CUX2: variants seen among roughly 807,000 people sequenced by gnomAD.
The protein encoded by CUX2 is homeobox protein cut-like 2.
Under a neutral mutation model 144.8 loss-of-function variants are expected in CUX2, and 40 were observed. That is an observed-to-expected ratio of 0.28 (90% CI 0.21 to 0.36). CUX2 has a LOEUF of 0.36. Ranked by LOEUF, CUX2 falls within the 10% of genes least tolerant of loss-of-function variation. The probability of loss-of-function intolerance (pLI) is 1.00; values close to 1 mark genes in which losing one functional copy is unlikely to be tolerated. For synonymous variants in CUX2, 827 were observed against 875.6 expected (o/e 0.94, Z 0.98); for missense variants, 1,615 against 1,994.0 (o/e 0.81, Z 3.62).
intron 1 of CUX2, among the ~76,000 whole-genome samples, chr12:111,139,759 GC>G (rs1876172261): frequency 6.6e-6 from 1 of 152,192 alleles, no homozygotes; most frequent in African/African-American, 2.4e-5. Flanking sequence ...CAAGGTCATG[GC>G]AAATAGGATA....
At position 111,320,674 on chromosome 12, in the gene CUX2, G is replaced by A. The variant is rs2136400703; in HGVS notation, c.2665G>A (p.Glu889Lys). ...TVPPLTPEQY[E>K]LYMYREVDTL... ...GCCGCCGCTGACCCCCGAGCAGTAC[G>A]AGCTGTACATGTACCGTGAGGTAGA... The change falls in exon 17 of 22, where the codon GAG becomes AAG. Residue 889 changes from glutamate to lysine, a missense_variant. This residue lies in a region of CUX2 where 390 missense variants were observed against 387.1 expected (regional missense o/e 1.01). Coordinates refer to ENST00000261726, the MANE Select transcript of CUX2 (RefSeq NM_015267.4). The surrounding 1 kb of genome is among the most constrained non-coding windows in gnomAD (Gnocchi z 8.1). The A allele has an allele frequency of 1.9e-6, 3 of 1,597,268 alleles. No homozygotes were observed. The highest frequency in any genetic ancestry group is 2.5e-6 in the Non-Finnish European group (3 of 1,179,308).
intron 1 of CUX2, among the ~76,000 whole-genome samples, chr12:111,196,702 T>C (rs1192986130): frequency 6.6e-6 from 1 of 152,224 alleles, no homozygotes; most frequent in Non-Finnish European, 1.5e-5. Context: ...CTACCCGTTG[T>C]GGTTACTGAG....
intron 1 of CUX2, among the ~76,000 whole-genome samples, chr12:111,107,347 A>G (rs988254627): frequency 6.6e-6 from 1 of 152,232 alleles, no homozygotes; most frequent in African/African-American, 2.4e-5. Context: ...CTTTGCAGGA[A>G]CTTTTTTGAC....
intron 1 of CUX2, among the ~76,000 whole-genome samples, chr12:111,112,152 G>C (rs1312098928): frequency 6.6e-6 from 1 of 152,136 alleles, no homozygotes; most frequent in African/African-American, 2.4e-5. Context: ...AAGAAGGGTC[G>C]AGTGGCTCAG....
At chr12:111,151,078 G>A (rs1877022469) in intron 1 of CUX2, among the ~76,000 whole-genome samples, 2 of 152,178 alleles carry the variant, frequency 1.3e-5, no homozygotes, top group African/African-American at 4.8e-5. Flanking sequence ...GTAAGCAGCA[G>A]TAAAATGAAG....
Position 111,304,183 on chromosome 12 carries a change from T to C in CUX2, c.754-27T>C, listed in dbSNP as rs1339958566. 1 of 1,573,182 alleles carries C rather than the reference T, an allele frequency of 6.4e-7. No individual in the cohort carries two copies. The highest frequency in any genetic ancestry group is 8.7e-7 in the Non-Finnish European group (1 of 1,148,476). On this transcript the variant is annotated intron_variant, in intron 9 of 21. Coordinates refer to ENST00000261726, the MANE Select transcript of CUX2 (RefSeq NM_015267.4). This position sits in a 1 kb window ranked among gnomAD's most constrained non-coding sequence, Gnocchi z 4.7. ...TGGAAGTGCAGAGTGGGCTCACCTCTCGCCCACACTGTCCCCTTCTCCCCA... is the reference window on the plus strand; with the variant it reads ...TGGAAGTGCAGAGTGGGCTCACCTCCCGCCCACACTGTCCCCTTCTCCCCA...
At chr12:111,229,553 C>T (rs1882355514) in intron 3 of CUX2, among the ~76,000 whole-genome samples, 1 of 152,164 alleles carries the variant, frequency 6.6e-6, no homozygotes, top group Admixed American at 6.5e-5. Flanking sequence ...TTGTAACATC[C>T]ACCTTGTTTA....
At position 111,341,636 on chromosome 12, in the gene CUX2, G is replaced by C. The variant is rs1300624111; in HGVS notation, c.3386-144G>C. ...AGAAGGAGAGTGAGGAGGGAGAAAGGCTGGGGGGCGGGCCTCTAAGCTTAG... is the reference window on the plus strand; with the variant it reads ...AGAAGGAGAGTGAGGAGGGAGAAAGCCTGGGGGGCGGGCCTCTAAGCTTAG... On this transcript the variant is annotated intron_variant, in intron 20 of 21. Coordinates refer to ENST00000261726, the MANE Select transcript of CUX2 (RefSeq NM_015267.4). 3 of 940,470 alleles carry C rather than the reference G, an allele frequency of 3.2e-6. No individual in the cohort carries two copies. The Admixed American group carries it at 7.4e-5, about 23-fold the overall frequency. The allele number at this position is 940,470 out of a possible 1,614,324, so 58.3% of individuals were successfully genotyped here.
intron 1 of CUX2, 81 bp from the exon 2 acceptor site, chr12:111,214,119 A>T (rs1881385576): frequency 1.3e-6 from 1 of 798,056 alleles, no homozygotes; most frequent in Non-Finnish European, 1.9e-6. Flanking sequence ...GCTGTTTTGT[A>T]CAGTGGTTAA....
At chr12:111,127,970 CAT>C (rs1875199571) in intron 1 of CUX2, among the ~76,000 whole-genome samples, 1 of 152,186 alleles carries the variant, frequency 6.6e-6, no homozygotes, top group South Asian at 2.1e-4. Flanking sequence ...CTGCCCATGA[CAT>C]GTGGGGATTA....
intron 19 of CUX2, among the ~76,000 whole-genome samples, chr12:111,337,652 A>G (rs1455655794): frequency 2.0e-5 from 3 of 152,236 alleles, no homozygotes; most frequent in Non-Finnish European, 4.4e-5. Context: ...CTGTCAAATT[A>G]TCCTCCAACA....
At chr12:111,096,244 T>TGG (rs1468070077) in intron 1 of CUX2, among the ~76,000 whole-genome samples, 1 of 152,136 alleles carries the variant, frequency 6.6e-6, no homozygotes, top group Admixed American at 6.5e-5. Context: ...AGCCCTCCGG[T>TGG]GGGGGTGAGG....
At chr12:111,118,094 C>G (rs773825177) in intron 1 of CUX2, among the ~76,000 whole-genome samples, 26 of 152,210 alleles carry the variant, frequency 1.7e-4, no homozygotes, top group Non-Finnish European at 1.5e-4. Flanking sequence ...ACTCCCAACT[C>G]TTGGCCTCTG....
At chr12:111,240,099 G>A (rs1439401196) in intron 3 of CUX2, among the ~76,000 whole-genome samples, 1 of 152,184 alleles carries the variant, frequency 6.6e-6, no homozygotes, top group South Asian at 2.1e-4. Flanking sequence ...TGCTATTCTC[G>A]CCACTTTACA....
chr12:111,099,243 G>A (rs1351269514), intron 1 of CUX2, among the ~76,000 whole-genome samples: 2 of 152,356 alleles, frequency 1.3e-5, no homozygotes, highest in Non-Finnish European at 2.9e-5. Context: ...AAACGGCCTG[G>A]CCAAAGGCTC....
At chr12:111,197,740 A>G (rs1286833337) in intron 1 of CUX2, among the ~76,000 whole-genome samples, 2 of 152,212 alleles carry the variant, frequency 1.3e-5, no homozygotes, top group Non-Finnish European at 2.9e-5. Context: ...GGCGGGTGGT[A>G]GAATGGGTGA....
At chr12:111,216,073 G>A (rs907823863) in intron 2 of CUX2, among the ~76,000 whole-genome samples, 1 of 152,160 alleles carries the variant, frequency 6.6e-6, no homozygotes, top group African/African-American at 2.4e-5. Context: ...CCTCCTGCTC[G>A]CGCCTGTGCT....
intron 1 of CUX2, among the ~76,000 whole-genome samples, chr12:111,117,319 C>G (rs537421112): frequency 6.6e-6 from 1 of 152,176 alleles, no homozygotes; most frequent in Non-Finnish European, 1.5e-5. Context: ...GGACTTGGCT[C>G]ATCAGTGTCT....
At chr12:111,112,809 C>T (rs180921026) in intron 1 of CUX2, among the ~76,000 whole-genome samples, 1 of 152,102 alleles carries the variant, frequency 6.6e-6, no homozygotes, top group African/African-American at 2.4e-5. Context: ...ATATTATAAC[C>T]CTTTTGGAAT....
Sources: allele counts gnomAD v4.1 joint callset (sites outside exome capture counted in the v4.1 genomes callset), GRCh38; gene constraint gnomAD v4.1.1; regional missense constraint gnomAD v4.1.1; non-coding constraint Gnocchi (gnomAD v3.1); transcripts MANE v1.5; gene names NCBI Gene and HGNC (gene_info 2026-07-23, HGNC 2026-07-21).